SHISA6: variants seen among roughly 807,000 people sequenced by gnomAD.
The protein encoded by SHISA6 is protein shisa-6.
A neutral mutation model predicts 47.9 loss-of-function variants in SHISA6; 22 were observed. That is an observed-to-expected ratio of 0.46 (90% CI 0.33 to 0.66). The LOEUF is 0.66. Among genes scored for constraint, SHISA6 ranks in the 30% least tolerant of loss-of-function variants. SHISA6 has a pLI of 0.02. For synonymous variants in SHISA6, 388 were observed against 337.8 expected, an observed-to-expected ratio of 1.15 and a Z score of -1.63; for missense variants, 680 against 764.6, an observed-to-expected ratio of 0.89 and a Z score of 1.30.
chr17:11,310,667 T>C (rs1162507549), intron 2 of SHISA6, among the ~76,000 whole-genome samples: 1 of 152,176 alleles, frequency 6.6e-6, no homozygotes, highest in Non-Finnish European at 1.5e-5. Flanking sequence ...CAAGATCATA[T>C]TTATGCTTTA....
chr17:11,447,215 A>T (rs913133938), intron 3 of SHISA6, among the ~76,000 whole-genome samples: 1 of 152,358 alleles, frequency 6.6e-6, no homozygotes, highest in Non-Finnish European at 1.5e-5. Context: ...AACCAGAGTA[A>T]CCTGCAGTCT....
At chr17:11,353,613 C>G (rs1184002463) in intron 2 of SHISA6, among the ~76,000 whole-genome samples, 2 of 152,114 alleles carry the variant, frequency 1.3e-5, no homozygotes, top group Non-Finnish European at 2.9e-5. Flanking sequence ...TCACCCCCAG[C>G]TCTAGAAAAA....
chr17:11,379,350 C>G, intron 2 of SHISA6, 64 bp from the exon 3 acceptor site: 4 of 1,200,334 alleles, frequency 3.3e-6, no homozygotes, highest in Admixed American at 4.9e-5. Context: ...TGAGATGCAG[C>G]TGCGCTTGTC....
chr17:11,310,785 C>T (rs112658562), intron 2 of SHISA6, among the ~76,000 whole-genome samples: 5 of 150,624 alleles, frequency 3.3e-5, no homozygotes, highest in South Asian at 4.2e-4. Context: ...CCAACCTGAC[C>T]GACATGGTGA....
chr17:11,244,359 G>A (rs1907493189), intron 1 of SHISA6, among the ~76,000 whole-genome samples: 1 of 152,130 alleles, frequency 6.6e-6, no homozygotes, highest in African/African-American at 2.4e-5. Context: ...ACAGGGCATG[G>A]GGGATCCATC....
chr17:11,495,993 TCATCCATCCATCCATC>T (rs10642001), intron 3 of SHISA6, among the ~76,000 whole-genome samples: 6 of 148,852 alleles, frequency 4.0e-5, no homozygotes, highest in South Asian at 2.2e-4. Context: ...ATTTATCCAT[TCATCCATCCATCCATC>T]CATCCATCCA....
rs538249268 is a variant in SHISA6, at chr17:11,246,220, G to A, written c.638+4160G>A. Among the ~76,000 whole-genome samples, 24 of 152,310 alleles carry A rather than the reference G, an allele frequency of 1.6e-4. 1 individual carries two copies. In the South Asian group the frequency reaches 3.1e-3, roughly 20 times the overall value. On this transcript the variant is annotated intron_variant, in intron 1 of 5. Coordinates refer to ENST00000441885, the MANE Select transcript of SHISA6 (RefSeq NM_207386.4). ...AAAAAAAAATGCTTCGCCGGGTGCG[G>A]TGGCTCACGCCTGTAATCCCAGCAC... is the stretch of plus-strand genomic sequence containing the variant.
chr17:11,368,010 T>C (rs1912511029), intron 2 of SHISA6, among the ~76,000 whole-genome samples: 1 of 152,120 alleles, frequency 6.6e-6, no homozygotes, highest in Non-Finnish European at 1.5e-5. Flanking sequence ...CTTCCCAAAG[T>C]TGAATTAATC....
intron 2 of SHISA6, among the ~76,000 whole-genome samples, chr17:11,329,989 G>A (rs1287613992): frequency 2.0e-5 from 3 of 151,876 alleles, no homozygotes; most frequent in Admixed American, 6.6e-5. Flanking sequence ...GTAGAATACG[G>A]CCATATGAAC....
intron 3 of SHISA6, among the ~76,000 whole-genome samples, chr17:11,416,781 T>G (rs1274391429): frequency 6.6e-6 from 1 of 152,156 alleles, no homozygotes; most frequent in East Asian, 1.9e-4. Flanking sequence ...AGGAAAGACA[T>G]AGTAAAACTG....
intron 3 of SHISA6, among the ~76,000 whole-genome samples, chr17:11,398,241 G>A (rs1913640775): frequency 1.3e-5 from 2 of 152,014 alleles, no homozygotes; most frequent in African/African-American, 4.8e-5. Flanking sequence ...ATTTATAGCT[G>A]TATATACTAT....
chr17:11,482,647 T>G, intron 3 of SHISA6, among the ~76,000 whole-genome samples: 1 of 152,170 alleles, frequency 6.6e-6, no homozygotes, highest in East Asian at 1.9e-4. Flanking sequence ...GTCAATGTAG[T>G]TATGAAATGG....
At chr17:11,507,492 G>A (rs1334983526) in intron 3 of SHISA6, among the ~76,000 whole-genome samples, 1 of 152,212 alleles carries the variant, frequency 6.6e-6, no homozygotes, top group African/African-American at 2.4e-5. Context: ...TGGGCAATAA[G>A]AGATGTCTTA....
intron 3 of SHISA6, among the ~76,000 whole-genome samples, chr17:11,549,268 G>C (rs891959127): frequency 1.3e-5 from 2 of 152,154 alleles, no homozygotes; most frequent in African/African-American, 4.8e-5. Flanking sequence ...GGTTATTTTA[G>C]GGTTATTCTC....
intron 3 of SHISA6, among the ~76,000 whole-genome samples, chr17:11,484,902 C>T (rs567061439): frequency 1.3e-5 from 2 of 152,224 alleles, no homozygotes; most frequent in South Asian, 4.2e-4. Context: ...TATTTGGAGC[C>T]TCATGCTACA....
At chr17:11,449,811 G>C (rs530127371) in intron 3 of SHISA6, among the ~76,000 whole-genome samples, 1 of 151,820 alleles carries the variant, frequency 6.6e-6, no homozygotes, top group Non-Finnish European at 1.5e-5. Context: ...GGCAACCCTC[G>C]TTCTTCCTTG....
chr17:11,556,567 C>A (rs2071982223), intron 5 of SHISA6, among the ~76,000 whole-genome samples: 1 of 152,180 alleles, frequency 6.6e-6, no homozygotes, highest in East Asian at 1.9e-4. Flanking sequence ...GATGACCACC[C>A]AACTGCAGTT....
chr17:11,387,484 C>A (rs1196535101), intron 3 of SHISA6, among the ~76,000 whole-genome samples: 1 of 152,102 alleles, frequency 6.6e-6, no homozygotes, highest in African/African-American at 2.4e-5. Flanking sequence ...ATTCTAGACG[C>A]TAGGCTGATG....
chr17:11,526,850 G>A (rs1389552678), intron 3 of SHISA6, among the ~76,000 whole-genome samples: 2 of 67,890 alleles, frequency 2.9e-5, no homozygotes, highest in African/African-American at 1.1e-4. Flanking sequence ...GGGTACATGT[G>A]ATATCTTGAT....
Sources: allele counts gnomAD v4.1 joint callset (sites outside exome capture counted in the v4.1 genomes callset), GRCh38; gene constraint gnomAD v4.1.1; transcripts MANE v1.5; gene names NCBI Gene and HGNC (gene_info 2026-07-23, HGNC 2026-07-21).